Variants in METRNL observed in about 807,000 individuals in gnomAD.
METRNL encodes the protein meteorin-like protein.
In METRNL, 9 loss-of-function variants were observed where a neutral mutation model predicts 17.4. The observed-to-expected ratio is 0.52, with a 90% CI of 0.31 to 0.90. METRNL has a LOEUF of 0.90. Among genes scored for constraint, METRNL ranks in the 40% least tolerant of loss-of-function variants. The pLI, the probability that METRNL is intolerant of heterozygous loss-of-function variation, is 0.05. For missense variants in METRNL, 408 were observed against 430.7 expected (o/e 0.95, Z 0.47); for synonymous variants, 215 against 199.3 (o/e 1.08, Z -0.66).
At position 83,079,823 on chromosome 17, in the gene METRNL, G is replaced by T. The variant is rs2037960103; in HGVS notation, c.8G>T (p.Gly3Val). 1.0e-6 allele frequency: 1 copy of T among 975,470 alleles called. No individual in the cohort carries two copies. The highest frequency in any genetic ancestry group is 1.2e-4 in the East Asian group (1 of 8,456). 60.4% of individuals were successfully genotyped at this position (975,470 alleles called of 1,614,324 possible). A position where few individuals can be genotyped will look rare whatever the true frequency, so the allele number is the denominator to read the frequency against. The change falls in exon 1 of 4, where the codon GGC (glycine) becomes GTC (valine). Residue 3 changes from glycine (G) to valine (V), a missense_variant. Transcript: ENST00000320095. Reference sequence around the variant, plus strand: ...CGGAGCCGGCGCCAGAGCATGCGGGGCGCGGCGCGGGCGGCCTGGGGGCGC... The same window carrying T: ...CGGAGCCGGCGCCAGAGCATGCGGGTCGCGGCGCGGGCGGCCTGGGGGCGC... MR[G>V]AARAAWGRAG...
intron 2 of METRNL, among the ~76,000 whole-genome samples, chr17:83,087,107 C>T (rs1468778016): frequency 6.6e-6 from 1 of 152,092 alleles, no homozygotes; most frequent in Non-Finnish European, 1.5e-5. Flanking sequence ...CCTCGCTCAC[C>T]CTCCGTGTGC....
At chr17:83,090,139 C>CACA (rs1568338518) in intron 2 of METRNL, among the ~76,000 whole-genome samples, 2 of 143,374 alleles carry the variant, frequency 1.4e-5, no homozygotes, top group East Asian at 2.0e-4. Flanking sequence ...GAGCCACACA[C>CACA]CCCCGCCCCG....
At position 83,094,665 on chromosome 17, in the gene METRNL, C is replaced by G; in HGVS notation, c.*90C>G. ...GTGGGGCCGTGCGGTGAGGGCCGCG[C>G]GCTGGGAGCCGCATGCCCTGGGCCC... On this transcript the variant is annotated 3_prime_UTR_variant, in exon 4 of 4. Transcript: ENST00000320095. 9.2e-7 allele frequency: 1 copy of G among 1,086,306 alleles called. No homozygotes were observed. The highest frequency in any genetic ancestry group is 1.2e-6 in the Non-Finnish European group (1 of 828,042). The allele number at this position is 1,086,306 out of a possible 1,614,324, so 67.3% of individuals were successfully genotyped here. A position where few individuals can be genotyped will look rare whatever the true frequency, so the allele number is the denominator to read the frequency against.
At position 83,079,685 on chromosome 17, in the gene METRNL, G is replaced by GAGGACGCGGGGGGCGCGCGA; in HGVS notation, c.-130_-111dup. 1 of 242,852 alleles carries GAGGACGCGGGGGGCGCGCGA rather than the reference G, an allele frequency of 4.1e-6. No homozygotes were observed. Among genetic ancestry groups the GAGGACGCGGGGGGCGCGCGA allele is most frequent in the Non-Finnish European group, 6.5e-6 (1 of 154,016 alleles). The allele number at this position is 242,852 out of a possible 1,614,324, so 15.0% of individuals were successfully genotyped here. On this transcript the variant is annotated 5_prime_UTR_variant, in exon 1 of 4. The change abolishes the stop of an existing upstream ORF in the 5' untranslated region. Coordinates refer to ENST00000320095, the MANE Select transcript of METRNL (RefSeq NM_001004431.3). ...GCCGGGATGGGCGGGCGGCCGCGCGGAGGACGCGGGGGGCGCGCGACGTGA... is the reference window on the plus strand; with the variant it reads ...GCCGGGATGGGCGGGCGGCCGCGCGGAGGACGCGGGGGGCGCGCGAAGGACGCGGGGGGCGCGCGACGTGA...
rs778265907 is a variant in METRNL, at chr17:83,094,257, C to T, written c.618C>T (p.Ala206=). 7.0e-6 allele frequency: 11 copies of T among 1,564,594 alleles called. No individual in the cohort carries two copies. Among genetic ancestry groups the T allele is most frequent in the Admixed American group, 1.7e-5 (1 of 57,152 alleles). The change falls in exon 4 of 4, where the codon GCC becomes GCT. Residue 206 remains alanine, a splice_region_variant and synonymous_variant. Coordinates refer to ENST00000320095, the MANE Select transcript of METRNL (RefSeq NM_001004431.3). ...VLLAVCTSDF[A]VRGSIQQVTH... ...GTCCCCATCTCCTTCCCCGCACAGC[C>T]GTTCGAGGCTCCATCCAGCAAGTTA...
At chr17:83,093,561 C>G (rs1273543120) in intron 3 of METRNL, among the ~76,000 whole-genome samples, 1 of 152,236 alleles carries the variant, frequency 6.6e-6, no homozygotes, top group Non-Finnish European at 1.5e-5. Context: ...TTGTAAACAG[C>G]ATTTTATCAG....
In METRNL at chr17:83,094,666, G is replaced by C. The variant is rs543563164; in HGVS notation, c.*91G>C. On this transcript the variant is annotated 3_prime_UTR_variant, in exon 4 of 4. Coordinates refer to ENST00000320095, the MANE Select transcript of METRNL (RefSeq NM_001004431.3). ...TGGGGCCGTGCGGTGAGGGCCGCGC[G>C]CTGGGAGCCGCATGCCCTGGGCCCA... is the stretch of plus-strand genomic sequence containing the variant. 2 of 1,081,274 alleles carry C rather than the reference G, an allele frequency of 1.8e-6. No homozygotes were observed. Among genetic ancestry groups the C allele is most frequent in the Non-Finnish European group, 2.4e-6 (2 of 823,778 alleles). The allele number at this position is 1,081,274 out of a possible 1,614,324, so 67.0% of individuals were successfully genotyped here. A position where few individuals can be genotyped will look rare whatever the true frequency, so the allele number is the denominator to read the frequency against.
intron 2 of METRNL, among the ~76,000 whole-genome samples, chr17:83,086,269 A>T (rs1318944829): frequency 1.3e-5 from 2 of 152,220 alleles, no homozygotes; most frequent in Non-Finnish European, 2.9e-5. Flanking sequence ...AATCTCTCCC[A>T]GGTAGACTGG....
At position 83,093,113 on chromosome 17, in the gene METRNL, G is replaced by T. The variant is rs375636581; in HGVS notation, c.557-54G>T. The T allele has an allele frequency of 1.7e-5, 26 of 1,505,854 alleles. 1 individual carries two copies. The African/African-American group carries it at 3.2e-4, about 18-fold the overall frequency. The allele number at this position is 1,505,854 out of a possible 1,614,324, so 93.3% of individuals were successfully genotyped here. ...GGATCCTTTGACGGTGGTGGGCGGC[G>T]TTCCAGAGCCTGTCCCGTCCAGGCT... On this transcript the variant is annotated intron_variant, in intron 2 of 3. Transcript: ENST00000320095.
chr17:83,088,336 G>A (rs1311318372), intron 2 of METRNL, among the ~76,000 whole-genome samples: 1 of 152,226 alleles, frequency 6.6e-6, no homozygotes, highest in Non-Finnish European at 1.5e-5. Context: ...GCAGGCCAGG[G>A]AATCCGGGAA....
intron 2 of METRNL, among the ~76,000 whole-genome samples, chr17:83,089,274 G>A (rs964475803): frequency 1.3e-5 from 2 of 152,062 alleles, no homozygotes; most frequent in Admixed American, 6.5e-5. Context: ...CCTTATCCCC[G>A]TCACCGGCTC....
intron 2 of METRNL, among the ~76,000 whole-genome samples, chr17:83,088,119 C>T (rs937097734): frequency 2.0e-5 from 3 of 152,180 alleles, no homozygotes; most frequent in Non-Finnish European, 4.4e-5. Flanking sequence ...GGAGGGGACC[C>T]GGCCCCAGGA....
At chr17:83,091,175 C>T (rs2038130906) in intron 2 of METRNL, among the ~76,000 whole-genome samples, 1 of 151,976 alleles carries the variant, frequency 6.6e-6, no homozygotes. Context: ...GCTGGACCGG[C>T]CTCAAGGTGC....
At chr17:83,092,035 GAGA>G (rs1209371022) in intron 2 of METRNL, among the ~76,000 whole-genome samples, 3 of 152,220 alleles carry the variant, frequency 2.0e-5, no homozygotes, top group Non-Finnish European at 4.4e-5. Context: ...GGGCCGAGGG[GAGA>G]AGGTTGTTGG....
rs1383690417 is a variant in METRNL at position 83,094,623 on chromosome 17, T to C, written c.*48T>C. ...TCTCCTGATGAGTCACAGGCTGCGG[T>C]GGGCGCTGCGGTCCTGGTGGGGCCG... On this transcript the variant is annotated 3_prime_UTR_variant, in exon 4 of 4. Transcript: ENST00000320095. 2 of 1,390,226 alleles carry C rather than the reference T, an allele frequency of 1.4e-6. No individual in the cohort carries two copies. Among genetic ancestry groups the C allele is most frequent in the African/African-American group, 2.9e-5 (2 of 68,074 alleles). The allele number at this position is 1,390,226 out of a possible 1,614,324, so 86.1% of individuals were successfully genotyped here.
In METRNL at chr17:83,079,774, G is replaced by C; in HGVS notation, c.-42G>C. The stretch of plus-strand genomic sequence containing the variant: ...CGCCGGCTCCGGGGTCTGCTCCGGG[G>C]GTCGCGGACGCGGGGCCGGGCGGCG... On this transcript the variant is annotated 5_prime_UTR_variant, in exon 1 of 4. Coordinates refer to ENST00000320095, the MANE Select transcript of METRNL (RefSeq NM_001004431.3). 1.0e-6 allele frequency: 1 copy of C among 955,018 alleles called. No homozygotes were observed. Among genetic ancestry groups the C allele is most frequent in the Non-Finnish European group, 1.2e-6 (1 of 806,300 alleles). 59.2% of individuals were successfully genotyped at this position (955,018 alleles called of 1,614,324 possible).
intron 2 of METRNL, among the ~76,000 whole-genome samples, chr17:83,092,188 T>A (rs1443082107): frequency 6.6e-6 from 1 of 152,166 alleles, no homozygotes; most frequent in Non-Finnish European, 1.5e-5. Context: ...GAAAGCCATT[T>A]GGGGCATGCA....
chr17:83,085,074 C>A lies in METRNL; in HGVS notation c.307C>A (p.His103Asn). The A allele has an allele frequency of 6.2e-7, 1 of 1,613,910 alleles. No homozygotes were observed. Among genetic ancestry groups the A allele is most frequent in the Non-Finnish European group, 8.5e-7 (1 of 1,180,022 alleles). Residue 103 changes from histidine (H) to asparagine (N), a missense_variant, in exon 2 of 4, where the codon CAC (histidine) becomes AAC (asparagine). By Grantham distance (68) the His-to-Asn change is moderately conservative. Transcript: ENST00000320095. ...LRPNTFSPAR[H>N]LTVCIRSFTD... ...GCCCAACACCTTCTCGCCTGCCCGG[C>A]ACCTGACCGTGTGCATCAGGTCCTT...
chr17:83,091,788 C>T (rs893429539), intron 2 of METRNL, among the ~76,000 whole-genome samples: 7 of 152,190 alleles, frequency 4.6e-5, no homozygotes, highest in Admixed American at 1.3e-4. Flanking sequence ...GAAATGGCAC[C>T]GGCGAAACCA....
Sources: allele counts gnomAD v4.1 joint callset (sites outside exome capture counted in the v4.1 genomes callset), GRCh38; gene constraint gnomAD v4.1.1; transcripts MANE v1.5; gene names NCBI Gene and HGNC (gene_info 2026-07-23, HGNC 2026-07-21).